The following KCNK1 variants were observed in gnomAD, a reference collection of about 807,000 sequenced individuals.
KCNK1 encodes the protein potassium two pore domain channel subfamily K member 1, also known as potassium channel subfamily K member 1.
A neutral mutation model predicts 22.2 loss-of-function variants in KCNK1; 10 were observed. The observed-to-expected ratio is 0.45, with a 90% CI of 0.28 to 0.76. KCNK1 has a LOEUF of 0.76. Ranked by LOEUF, KCNK1 falls within the 30% of genes least tolerant of loss-of-function variation. The probability of loss-of-function intolerance (pLI) is 0.14; values close to 1 mark genes in which losing one functional copy is unlikely to be tolerated. For missense variants in KCNK1, 378 were observed against 421.0 expected (o/e 0.90, Z 0.89); for synonymous variants, 200 against 186.4 (o/e 1.07, Z -0.60).
chr1:233,614,388 C>T lies in KCNK1; in HGVS notation c.217C>T (p.Gln73Ter). Reference sequence around the variant, plus strand: ...GGAGGAGCACGAGTGCCTGTCTGAGCAGCAGCTGGAGCAGTTCCTGGGCCG... The same window carrying T: ...GGAGGAGCACGAGTGCCTGTCTGAGTAGCAGCTGGAGCAGTTCCTGGGCCG... Reference protein sequence around the residue: ...FLEEHECLSEQQLEQFLGRVL... With the variant: ...FLEEHECLSE The change falls in exon 1 of 3, where the codon CAG (glutamine) becomes TAG (stop). Residue 73 changes from glutamine to a stop codon, truncating the protein, a stop_gained. Transcript: ENST00000366621. LOFTEE classifies it high-confidence loss of function. 1 of 1,611,298 alleles carries T rather than the reference C, an allele frequency of 6.2e-7. No individual in the cohort carries two copies. Among genetic ancestry groups the T allele is most frequent in the Non-Finnish European group, 8.5e-7 (1 of 1,178,860 alleles).
At chr1:233,657,605 GA>G in intron 1 of KCNK1, among the ~76,000 whole-genome samples, 1 of 128,946 alleles carries the variant, frequency 7.8e-6, no homozygotes, top group Non-Finnish European at 1.7e-5. Flanking sequence ...AAATAAGAAA[GA>G]AAGAAAGAGA....
chr1:233,627,233 C>T (rs1300468001), intron 1 of KCNK1, among the ~76,000 whole-genome samples: 1 of 152,144 alleles, frequency 6.6e-6, no homozygotes, highest in African/African-American at 2.4e-5. Context: ...ATCTAAACAT[C>T]TTCTTTATTT....
intron 1 of KCNK1, among the ~76,000 whole-genome samples, chr1:233,651,221 TA>T (rs947825526): frequency 6.6e-6 from 1 of 152,182 alleles, no homozygotes; most frequent in African/African-American, 2.4e-5. Context: ...AAAAGAAATC[TA>T]AATCCTGAGT....
chr1:233,664,604 C>T lies in KCNK1; in HGVS notation c.356-1991C>T, dbSNP rs72762256. ...CTCCATGGGAAAGTGGATGTACAAT[C>T]TCAGAGGATTCCTGGGCCTTGCCGT... On this transcript the variant is annotated intron_variant, in intron 1 of 2. Transcript: ENST00000366621. Among the ~76,000 whole-genome samples the T allele has an allele frequency of 5.4e-3, 820 of 152,322 alleles. 2 individuals carry two copies. Among genetic ancestry groups the T allele is most frequent in the Middle Eastern group, 0.017 (5 of 294 alleles).
chr1:233,656,973 A>C (rs144559354), intron 1 of KCNK1, among the ~76,000 whole-genome samples: 47 of 152,300 alleles, frequency 3.1e-4, no homozygotes, highest in African/African-American at 9.9e-4. Flanking sequence ...GTCATAACAC[A>C]TTGTAAATAT....
At chr1:233,669,226 G>A (rs999654152) in intron 2 of KCNK1, among the ~76,000 whole-genome samples, 1 of 152,138 alleles carries the variant, frequency 6.6e-6, no homozygotes, top group Non-Finnish European at 1.5e-5. Context: ...GACTTGGAAA[G>A]TAGAATGTTT....
chr1:233,643,572 T>C (rs1300145121), intron 1 of KCNK1, among the ~76,000 whole-genome samples: 1 of 152,202 alleles, frequency 6.6e-6, no homozygotes. Flanking sequence ...TGTTGTTTCC[T>C]ATTTACAGAA....
chr1:233,621,739 T>G (rs1002965831), intron 1 of KCNK1, among the ~76,000 whole-genome samples: 13 of 152,298 alleles, frequency 8.5e-5, no homozygotes, highest in Admixed American at 5.9e-4. Context: ...GGTTTTTTTT[T>G]AACTATAAAT....
At chr1:233,626,814 G>T (rs1404154702) in intron 1 of KCNK1, among the ~76,000 whole-genome samples, 1 of 152,080 alleles carries the variant, frequency 6.6e-6, no homozygotes, top group Non-Finnish European at 1.5e-5. Flanking sequence ...TGAAGTATTT[G>T]CTTCATATTT....
At chr1:233,644,620 T>C (rs1658058457) in intron 1 of KCNK1, among the ~76,000 whole-genome samples, 1 of 152,106 alleles carries the variant, frequency 6.6e-6, no homozygotes, top group African/African-American at 2.4e-5. Flanking sequence ...GTCTGAGGTC[T>C]GAGTGAAGAG....
At chr1:233,631,392 C>T (rs1020740181) in intron 1 of KCNK1, 2 of 453,504 alleles carry the variant, frequency 4.4e-6, no homozygotes, top group African/African-American at 4.1e-5. Flanking sequence ...TTGTGTTTCT[C>T]TTTAATGATA....
chr1:233,652,193 G>A (rs1274678522), intron 1 of KCNK1, among the ~76,000 whole-genome samples: 1 of 152,064 alleles, frequency 6.6e-6, no homozygotes, highest in Non-Finnish European at 1.5e-5. Flanking sequence ...GTTTTTCCTG[G>A]GAGCTCCTGC....
chr1:233,614,124 C>G lies in KCNK1; in HGVS notation c.-48C>G. 7.5e-7 allele frequency: 1 copy of G among 1,329,136 alleles called. No homozygotes were observed. Among genetic ancestry groups the G allele is most frequent in the African/African-American group, 1.5e-5 (1 of 64,730 alleles). 82.3% of individuals were successfully genotyped at this position (1,329,136 alleles called of 1,614,324 possible). A position where few individuals can be genotyped will look rare whatever the true frequency, so the allele number is the denominator to read the frequency against. Reference sequence around the variant, plus strand: ...CGGGGCCAGAAGAGGCGGCGGGCCGCGCTCCGGCCGGTCTGCGGCGTTGGC... The same window carrying G: ...CGGGGCCAGAAGAGGCGGCGGGCCGGGCTCCGGCCGGTCTGCGGCGTTGGC... On this transcript the variant is annotated 5_prime_UTR_variant, in exon 1 of 3. Coordinates refer to ENST00000366621, the MANE Select transcript of KCNK1 (RefSeq NM_002245.4).
chr1:233,658,813 T>A (rs977037714), intron 1 of KCNK1, among the ~76,000 whole-genome samples: 2 of 152,312 alleles, frequency 1.3e-5, no homozygotes, highest in African/African-American at 4.8e-5. Context: ...AAAGATTTTT[T>A]AAAATGGGAC....
At chr1:233,653,347 G>C (rs1465862389) in intron 1 of KCNK1, among the ~76,000 whole-genome samples, 1 of 152,158 alleles carries the variant, frequency 6.6e-6, no homozygotes, top group Non-Finnish European at 1.5e-5. Flanking sequence ...TGGTCTGTTG[G>C]CCTCACTATA....
At chr1:233,659,576 A>T (rs1658356093) in intron 1 of KCNK1, among the ~76,000 whole-genome samples, 1 of 151,424 alleles carries the variant, frequency 6.6e-6, no homozygotes, top group Non-Finnish European at 1.5e-5. Flanking sequence ...ATATATATAC[A>T]TACACTATAA....
chr1:233,641,551 G>T (rs910865507), intron 1 of KCNK1, among the ~76,000 whole-genome samples: 3 of 152,142 alleles, frequency 2.0e-5, no homozygotes, highest in African/African-American at 7.2e-5. Flanking sequence ...GTAAGGTCTG[G>T]CAGTAAGCGG....
intron 1 of KCNK1, among the ~76,000 whole-genome samples, chr1:233,658,269 G>A (rs923045658): frequency 2.0e-5 from 3 of 152,026 alleles, no homozygotes; most frequent in African/African-American, 4.8e-5. Flanking sequence ...TAGTTTGAGG[G>A]GCAAAATAAA....
Position 233,614,377 on chromosome 1 carries a change from G to T in KCNK1, c.206G>T (p.Cys69Phe), listed in dbSNP as rs1464020937. Residue 69 changes from cysteine to phenylalanine, a missense_variant, in exon 1 of 3, where the codon TGC (cysteine) becomes TTC (phenylalanine). By Grantham distance (205) the Cys-to-Phe change is radical. Coordinates refer to ENST00000366621, the MANE Select transcript of KCNK1 (RefSeq NM_002245.4). ...LKRRFLEEHE[C>F]LSEQQLEQFL... is the part of the protein sequence containing the mutation. ...CGACGCTTCTTGGAGGAGCACGAGT[G>T]CCTGTCTGAGCAGCAGCTGGAGCAG... The T allele has an allele frequency of 6.2e-7, 1 of 1,610,952 alleles. No individual in the cohort carries two copies. The highest frequency in any genetic ancestry group is 8.5e-7 in the Non-Finnish European group (1 of 1,178,662).
Sources: allele counts gnomAD v4.1 joint callset (sites outside exome capture counted in the v4.1 genomes callset), GRCh38; gene constraint gnomAD v4.1.1; transcripts MANE v1.5; gene names NCBI Gene and HGNC (gene_info 2026-07-23, HGNC 2026-07-21).